The following VDAC1 variants were observed in gnomAD, a reference collection of about 807,000 sequenced individuals.
The protein encoded by VDAC1 is non-selective voltage-gated ion channel VDAC1.
Under a neutral mutation model 34.7 loss-of-function variants are expected in VDAC1, and 10 were observed. The observed-to-expected ratio is 0.29, with a 90% CI of 0.18 to 0.49. VDAC1 has a LOEUF of 0.49. Among genes scored for constraint, VDAC1 ranks in the 20% least tolerant of loss-of-function variants. The probability of loss-of-function intolerance (pLI) is 0.99; values close to 1 mark genes in which losing one functional copy is unlikely to be tolerated. For missense variants in VDAC1, 230 were observed against 347.9 expected (o/e 0.66, Z 2.69); for synonymous variants, 130 against 136.0 (o/e 0.96, Z 0.30).
chr5:134,107,624 G>C, the VDAC1 span, among the ~76,000 whole-genome samples: 39 of 152,304 alleles, frequency 2.6e-4, no homozygotes, highest in Middle Eastern at 3.4e-3. Context: ...CATGACCCCT[G>C]CAAGATTGCA....
At chr5:133,999,559 G>A (rs1753459297) in intron 1 of VDAC1, among the ~76,000 whole-genome samples, 5 of 152,098 alleles carry the variant, frequency 3.3e-5, no homozygotes, top group Admixed American at 2.0e-4. Context: ...TGCAGAAGAC[G>A]GGAGTTTAGG....
At chr5:134,013,446 A>C in the VDAC1 span, among the ~76,000 whole-genome samples, 1 of 152,024 alleles carries the variant, frequency 6.6e-6, no homozygotes, top group Admixed American at 6.6e-5. Flanking sequence ...AAAACAAACA[A>C]ACAAACAAAC....
At chr5:134,085,731 A>AAAAAAAAAAAG in the VDAC1 span, among the ~76,000 whole-genome samples, 2 of 134,568 alleles carry the variant, frequency 1.5e-5, no homozygotes, top group Non-Finnish European at 3.3e-5. Flanking sequence ...CTAAAAAAAA[A>AAAAAAAAAAAG]AAAAAAAAAA....
At chr5:134,098,664 C>T in the VDAC1 span, among the ~76,000 whole-genome samples, 1 of 152,354 alleles carries the variant, frequency 6.6e-6, no homozygotes, top group Non-Finnish European at 1.5e-5. Context: ...GGCCCCAGGC[C>T]TCTAGGCCTT....
chr5:133,976,045 G>A (rs751556884), intron 6 of VDAC1, 24 bp from the exon 7 acceptor site: 237 of 1,613,768 alleles, frequency 1.5e-4, no homozygotes, highest in Non-Finnish European at 1.8e-4. Flanking sequence ...CAGGACAGAT[G>A]CTGAGCTTCC....
chr5:134,042,006 A>G, the VDAC1 span, among the ~76,000 whole-genome samples: 1 of 152,244 alleles, frequency 6.6e-6, no homozygotes, highest in Admixed American at 6.5e-5. Flanking sequence ...GAAAGGGGAA[A>G]GCAGCTCTGT....
chr5:134,092,866 G>A, the VDAC1 span, among the ~76,000 whole-genome samples: 9 of 152,196 alleles, frequency 5.9e-5, no homozygotes, highest in Non-Finnish European at 1.0e-4. Flanking sequence ...TTGCACGCAA[G>A]TCTTCCCTCT....
chr5:134,016,527 C>T, the VDAC1 span, among the ~76,000 whole-genome samples: 1 of 152,170 alleles, frequency 6.6e-6, no homozygotes, highest in African/African-American at 2.4e-5. Context: ...AGCAGTTTTT[C>T]CTCGAGCCGA....
At chr5:133,998,965 G>A in intron 1 of VDAC1, among the ~76,000 whole-genome samples, 1 of 152,190 alleles carries the variant, frequency 6.6e-6, no homozygotes, top group Middle Eastern at 3.4e-3. Context: ...CACCTACCAG[G>A]CCCCCGCCTG....
chr5:134,058,473 C>A, the VDAC1 span, among the ~76,000 whole-genome samples: 1 of 152,166 alleles, frequency 6.6e-6, no homozygotes, highest in African/African-American at 2.4e-5. Context: ...GCCACCACAC[C>A]CGGCTAATTT....
intron 1 of VDAC1, among the ~76,000 whole-genome samples, chr5:133,997,707 CAAA>C (rs67591375): frequency 5.1e-5 from 3 of 58,356 alleles, no homozygotes; most frequent in African/African-American, 7.4e-5. Flanking sequence ...GACTGTCTCA[CAAA>C]AAAAAAAAAA....
chr5:134,054,892 G>A, the VDAC1 span, among the ~76,000 whole-genome samples: 1 of 152,234 alleles, frequency 6.6e-6, no homozygotes, highest in Non-Finnish European at 1.5e-5. Flanking sequence ...CCCATTGCTA[G>A]AGGTGGCGAG....
intron 1 of VDAC1, among the ~76,000 whole-genome samples, chr5:133,993,566 T>C (rs1350847639): frequency 6.6e-6 from 1 of 152,228 alleles, no homozygotes; most frequent in Admixed American, 6.5e-5. Context: ...CACAAAACTT[T>C]TGGACTTTAT....
the VDAC1 span, among the ~76,000 whole-genome samples, chr5:134,034,535 C>T: frequency 6.6e-6 from 1 of 152,186 alleles, no homozygotes; most frequent in Non-Finnish European, 1.5e-5. Context: ...GCGCCGGACG[C>T]TAGGAAGAGG....
At chr5:133,993,861 T>C (rs1386892452) in intron 1 of VDAC1, among the ~76,000 whole-genome samples, 2 of 152,186 alleles carry the variant, frequency 1.3e-5, no homozygotes, top group Non-Finnish European at 2.9e-5. Context: ...CTGGAAGGCT[T>C]TGCTTTGGCA....
intron 1 of VDAC1, among the ~76,000 whole-genome samples, chr5:133,997,552 T>TA (rs1193150762): frequency 6.8e-4 from 93 of 136,844 alleles, no homozygotes; most frequent in African/African-American, 1.6e-3. Context: ...AAAAAAAAAA[T>TA]AAAAAAAAAA....
the VDAC1 span, among the ~76,000 whole-genome samples, chr5:134,049,148 G>A: frequency 1.3e-5 from 2 of 152,148 alleles, no homozygotes; most frequent in African/African-American, 2.4e-5. Flanking sequence ...TCTAACCCAG[G>A]TCTAGCTGAT....
the VDAC1 span, among the ~76,000 whole-genome samples, chr5:134,046,306 A>G: frequency 1.3e-5 from 2 of 152,014 alleles, no homozygotes; most frequent in Non-Finnish European, 2.9e-5. Flanking sequence ...GGGATTACAA[A>G]CATGAGCCAC....
the VDAC1 span, among the ~76,000 whole-genome samples, chr5:134,103,693 TC>T: frequency 6.6e-6 from 1 of 152,038 alleles, no homozygotes; most frequent in Non-Finnish European, 1.5e-5. Flanking sequence ...TTTAAGTGCT[TC>T]CCCCCTGCAG....
Sources: gnomAD v4.1 joint callset for allele counts (sites outside exome capture counted in the v4.1 genomes callset) on GRCh38, gnomAD v4.1.1 for gene constraint, MANE v1.5 for transcripts, NCBI Gene and HGNC (gene_info 2026-07-23, HGNC 2026-07-21) for gene names.